Variants in CEP164 observed in about 807,000 individuals in gnomAD.
CEP164 encodes centrosomal protein of 164 kDa.
In CEP164, 162 loss-of-function variants were observed where a neutral mutation model predicts 182.7. The observed-to-expected ratio is 0.89, with a 90% CI of 0.78 to 1.01. CEP164 has a LOEUF of 1.01. Among genes scored for constraint, CEP164 ranks in the 50% least tolerant of loss-of-function variants. The probability of loss-of-function intolerance (pLI) is 0.00; values close to 1 mark genes in which losing one functional copy is unlikely to be tolerated. For missense variants in CEP164, 1,735 were observed against 1,790.4 expected (o/e 0.97, Z 0.56); for synonymous variants, 661 against 690.0 (o/e 0.96, Z 0.66).
In CEP164 at chr11:117,390,869, A is replaced by C. The variant is rs776074093; in HGVS notation, c.2027A>C (p.Gln676Pro). ...ESQRLSWLRA[Q>P]VQSSTQADED... is the part of the protein sequence containing the mutation. Reference sequence around the variant, plus strand: ...CAGAGGCTATCCTGGCTCCGAGCTCAGGTCCAGTCCAGCACACAAGCAGAT... The same window carrying C: ...CAGAGGCTATCCTGGCTCCGAGCTCCGGTCCAGTCCAGCACACAAGCAGAT... The change falls in exon 16 of 33, where the codon CAG becomes CCG. Residue 676 changes from glutamine (Q) to proline (P), a missense_variant. By Grantham distance (76) the Gln-to-Pro change is moderately conservative. Coordinates refer to ENST00000278935, the MANE Select transcript of CEP164 (RefSeq NM_014956.5). 1.2e-6 allele frequency: 2 copies of C among 1,613,864 alleles called. No individual in the cohort carries two copies. The highest frequency in any genetic ancestry group is 2.2e-5 in the South Asian group (2 of 91,068).
At position 117,382,825 on chromosome 11, in the gene CEP164, G is replaced by A. The variant is rs112527080; in HGVS notation, c.1607G>A (p.Cys536Tyr). Residue 536 changes from cysteine to tyrosine, a missense_variant, in exon 14 of 33, where the codon TGT becomes TAT. Cys to Tyr is a radical substitution (Grantham distance 194, BLOSUM62 -2). Coordinates refer to ENST00000278935, the MANE Select transcript of CEP164 (RefSeq NM_014956.5). ...REQAPSPPAA[C>Y]EKGKEQHSQA... ...CAGGCCCCAAGCCCACCTGCTGCCTGTGAGAAGGGCAAGGAGCAGCATTCC... is the reference window on the plus strand; with the variant it reads ...CAGGCCCCAAGCCCACCTGCTGCCTATGAGAAGGGCAAGGAGCAGCATTCC... 5.0e-5 allele frequency: 80 copies of A among 1,614,144 alleles called. 2 individuals carry two copies. Among genetic ancestry groups the A allele is most frequent in the African/African-American group, 4.4e-4 (33 of 75,058 alleles).
chr11:117,357,567 G>A (rs961132745), intron 5 of CEP164, among the ~76,000 whole-genome samples: 7 of 151,460 alleles, frequency 4.6e-5, no homozygotes, highest in Admixed American at 2.6e-4. Context: ...GACTACAGGC[G>A]TGTGCTAACA....
intron 3 of CEP164, among the ~76,000 whole-genome samples, chr11:117,341,370 A>T (rs191494199): frequency 6.6e-6 from 1 of 151,810 alleles, no homozygotes; most frequent in Non-Finnish European, 1.5e-5. Flanking sequence ...TATACTCAAC[A>T]TAACACCCTT....
At chr11:117,375,589 A>C in intron 10 of CEP164, 119 bp from the exon 11 acceptor site, 3 of 739,358 alleles carry the variant, frequency 4.1e-6, no homozygotes, top group Non-Finnish European at 7.2e-6. Flanking sequence ...AATGTTTGGC[A>C]CAGAGCTGGG....
chr11:117,408,059 G>A (rs1400310352), intron 28 of CEP164, 27 bp downstream of exon 28: 9 of 1,505,110 alleles, frequency 6.0e-6, no homozygotes, highest in Non-Finnish European at 7.3e-6. Context: ...ACATAGTCCA[G>A]TGGGCCCTGG....
chr11:117,353,093 G>A (rs2039862874), intron 5 of CEP164, among the ~76,000 whole-genome samples: 1 of 152,098 alleles, frequency 6.6e-6, no homozygotes, highest in African/African-American at 2.4e-5. Flanking sequence ...CCCCAGGCCT[G>A]GGGCAGGTGG....
intron 1 of CEP164, among the ~76,000 whole-genome samples, chr11:117,331,994 A>ATG (rs2036292303): frequency 6.7e-6 from 1 of 149,338 alleles, no homozygotes; most frequent in Admixed American, 6.7e-5. Flanking sequence ...ATATATATAT[A>ATG]TATATATATT....
intron 8 of CEP164, among the ~76,000 whole-genome samples, chr11:117,364,962 C>T (rs1384624407): frequency 6.6e-6 from 1 of 152,178 alleles, no homozygotes; most frequent in Admixed American, 6.5e-5. Flanking sequence ...TATAGGTCTG[C>T]TTTGAAACTG....
intron 8 of CEP164, among the ~76,000 whole-genome samples, chr11:117,368,956 T>G (rs2041930722): frequency 6.6e-6 from 1 of 152,220 alleles, no homozygotes; most frequent in Non-Finnish European, 1.5e-5. Context: ...TCTGCACTTC[T>G]TTCTGGGACA....
intron 10 of CEP164, among the ~76,000 whole-genome samples, chr11:117,374,217 G>A (rs1404772097): frequency 6.6e-6 from 1 of 152,122 alleles, no homozygotes; most frequent in African/African-American, 2.4e-5. Context: ...TCACTGAGCT[G>A]TGGCGAGGAC....
intron 4 of CEP164, among the ~76,000 whole-genome samples, chr11:117,345,966 C>A (rs548814083): frequency 2.6e-5 from 4 of 152,160 alleles, no homozygotes; most frequent in Non-Finnish European, 5.9e-5. Context: ...GCATTACAGG[C>A]GTGAGAGCCC....
At chr11:117,329,066 A>G (rs2035786329) in intron 1 of CEP164, among the ~76,000 whole-genome samples, 2 of 152,158 alleles carry the variant, frequency 1.3e-5, no homozygotes, top group African/African-American at 2.4e-5. Flanking sequence ...TCCTGTAATT[A>G]GTTCTTATGC....
At chr11:117,342,961 G>A (rs1218871783) in intron 3 of CEP164, among the ~76,000 whole-genome samples, 1 of 151,814 alleles carries the variant, frequency 6.6e-6, no homozygotes, top group Non-Finnish European at 1.5e-5. Flanking sequence ...ATTGCTGGCT[G>A]TCTCTTCTAC....
chr11:117,333,969 C>T (rs1330187692), intron 1 of CEP164, among the ~76,000 whole-genome samples: 1 of 152,202 alleles, frequency 6.6e-6, no homozygotes, highest in Non-Finnish European at 1.5e-5. Flanking sequence ...TCTGTTAGAA[C>T]ACGCTTTCCT....
chr11:117,396,004 C>G (rs1181464469), intron 24 of CEP164, 50 bp from the exon 25 acceptor site: 3 of 1,610,726 alleles, frequency 1.9e-6, no homozygotes, highest in South Asian at 1.1e-5. Flanking sequence ...TCACCCCTCC[C>G]CCCCATCGCC....
intron 27 of CEP164, among the ~76,000 whole-genome samples, chr11:117,407,457 CAAAAAAAAAAAA>C (rs1232486465): frequency 1.4e-5 from 1 of 69,032 alleles, no homozygotes; most frequent in African/African-American, 5.2e-5. Context: ...TCTGTCTCTA[CAAAAAAAAAAAA>C]AAAAAAAAAA....
Position 117,397,116 on chromosome 11 carries a change from C to T in CEP164, c.3304C>T (p.Leu1102Phe), listed in dbSNP as rs1307328675. The change falls in exon 27 of 33, where the codon CTC becomes TTC. Residue 1102 changes from leucine to phenylalanine, a missense_variant. Coordinates refer to ENST00000278935, the MANE Select transcript of CEP164 (RefSeq NM_014956.5). ...CCTGTCCTCCCACAATGTCTGGCAC[C>T]TCCTCTCTGCTGAGGGGGTAGCCCT... ...DSLSSHNVWHLLSAEGVALRS... is the reference protein window; with the variant it reads ...DSLSSHNVWHFLSAEGVALRS... 1.2e-6 allele frequency: 2 copies of T among 1,614,030 alleles called. No homozygotes were observed. The highest frequency in any genetic ancestry group is 1.7e-6 in the Non-Finnish European group (2 of 1,180,000).
At chr11:117,406,148 G>A (rs1031311662) in intron 27 of CEP164, among the ~76,000 whole-genome samples, 3 of 152,096 alleles carry the variant, frequency 2.0e-5, no homozygotes, top group African/African-American at 4.8e-5. Context: ...GGATAAAGAC[G>A]TACCTAAAAC....
chr11:117,391,872 C>G (rs2044698927), intron 17 of CEP164, among the ~76,000 whole-genome samples: 1 of 152,158 alleles, frequency 6.6e-6, no homozygotes, highest in African/African-American at 2.4e-5. Context: ...AAAGAAAATT[C>G]TACATGGCCC....
Sources: gnomAD v4.1 joint callset for allele counts (sites outside exome capture counted in the v4.1 genomes callset) on GRCh38, gnomAD v4.1.1 for gene constraint, MANE v1.5 for transcripts, NCBI Gene and HGNC (gene_info 2026-07-23, HGNC 2026-07-21) for gene names.